The following COQ5 variants were observed in gnomAD, a reference collection of about 807,000 sequenced individuals.
The protein encoded by COQ5 is 2-methoxy-6-polyprenyl-1,4-benzoquinol methylase, mitochondrial.
In COQ5, 27 loss-of-function variants were observed where a neutral mutation model predicts 40.5. The ratio of observed to expected loss-of-function variants is 0.67; its 90% CI spans 0.49 to 0.92. COQ5 has a LOEUF of 0.92. Among genes scored for constraint, COQ5 ranks in the 40% least tolerant of loss-of-function variants. The pLI, the probability that COQ5 is intolerant of heterozygous loss-of-function variation, is 0.00. For synonymous variants in COQ5, 141 were observed against 150.0 expected (o/e 0.94, Z 0.44); for missense variants, 409 against 406.4 (o/e 1.01, Z -0.06).
chr12:120,522,589 C>T (rs1869723110), intron 1 of COQ5: 3 of 639,950 alleles, frequency 4.7e-6, no homozygotes, highest in Non-Finnish European at 5.5e-6. Context: ...AGGAGGACCC[C>T]AGCCCCATGC....
At chr12:120,515,990 C>T (rs1869359312) in intron 3 of COQ5, among the ~76,000 whole-genome samples, 1 of 152,166 alleles carries the variant, frequency 6.6e-6, no homozygotes, top group African/African-American at 2.4e-5. Context: ...GAGGTGCAAT[C>T]ATAGCTCACT....
At chr12:120,506,044 AG>A (rs1868869938) in intron 4 of COQ5, among the ~76,000 whole-genome samples, 2 of 151,804 alleles carry the variant, frequency 1.3e-5, no homozygotes, top group East Asian at 1.9e-4. Context: ...TAGTAGAAAA[AG>A]GGTTTCACCA....
intron 4 of COQ5, among the ~76,000 whole-genome samples, chr12:120,508,586 T>C (rs1868987984): frequency 6.6e-6 from 1 of 152,160 alleles, no homozygotes; most frequent in Non-Finnish European, 1.5e-5. Flanking sequence ...ATGTGAATCA[T>C]AACCAATTCA....
intron 4 of COQ5, among the ~76,000 whole-genome samples, chr12:120,508,638 C>G (rs1347396919): frequency 1.3e-5 from 2 of 152,180 alleles, no homozygotes; most frequent in Non-Finnish European, 1.5e-5. Flanking sequence ...TGGTGACTGT[C>G]TGAAGGGAGA....
intron 2 of COQ5, among the ~76,000 whole-genome samples, chr12:120,517,661 G>A (rs1299494054): frequency 1.1e-4 from 16 of 150,052 alleles, no homozygotes; most frequent in Admixed American, 2.7e-4. Context: ...CAGCCTGGGC[G>A]ACAGAGCAAG....
intron 2 of COQ5, among the ~76,000 whole-genome samples, chr12:120,518,346 T>C (rs1869477967): frequency 6.8e-6 from 1 of 147,974 alleles, no homozygotes; most frequent in Non-Finnish European, 1.5e-5. Flanking sequence ...GAAGATTACT[T>C]GAGGCCTGGG....
intron 1 of COQ5, among the ~76,000 whole-genome samples, chr12:120,524,771 A>G (rs1869860467): frequency 6.6e-6 from 1 of 151,684 alleles, no homozygotes; most frequent in South Asian, 2.1e-4. Flanking sequence ...CTCAAACTTC[A>G]ACGCCTATTC....
intron 4 of COQ5, 87 bp downstream of exon 4, chr12:120,509,930 A>G (rs967293403): frequency 1.8e-6 from 2 of 1,105,614 alleles, no homozygotes; most frequent in Non-Finnish European, 1.4e-6. Context: ...AAAAAACAAA[A>G]CTCTCCTTCT....
At chr12:120,525,062 C>A (rs1373056617) in intron 1 of COQ5, among the ~76,000 whole-genome samples, 1 of 151,812 alleles carries the variant, frequency 6.6e-6, no homozygotes, top group Non-Finnish European at 1.5e-5. Context: ...CCCGCCTTGG[C>A]TTCCCAAAGT....
chr12:120,523,341 A>G, intron 1 of COQ5: 1 of 306,770 alleles, frequency 3.3e-6, no homozygotes, highest in South Asian at 3.3e-5. Context: ...CGTCTCAAAG[A>G]AAAAAAAATA....
intron 4 of COQ5, among the ~76,000 whole-genome samples, chr12:120,508,574 T>G (rs748771427): frequency 3.9e-5 from 6 of 152,150 alleles, no homozygotes; most frequent in Non-Finnish European, 5.9e-5. Context: ...TGGTTATTAG[T>G]TATGTGAATC....
chr12:120,525,674 C>T (rs1308241246), intron 1 of COQ5, among the ~76,000 whole-genome samples: 2 of 151,972 alleles, frequency 1.3e-5, no homozygotes, highest in African/African-American at 4.8e-5. Flanking sequence ...CCTATAATCC[C>T]AGAACTTTGG....
chr12:120,521,507 C>T (rs904533015), intron 2 of COQ5, among the ~76,000 whole-genome samples: 1 of 151,496 alleles, frequency 6.6e-6, no homozygotes, highest in African/African-American at 2.4e-5. Context: ...GGAACCCTGT[C>T]TCTACTAACA....
Position 120,516,747 on chromosome 12 carries a change from G to A in COQ5, c.394C>T (p.His132Tyr). Residue 132 changes from histidine (H) to tyrosine (Y), a missense_variant, in exon 3 of 7, where the codon CAT becomes TAT. Physicochemically the swap from His to Tyr is moderately conservative, Grantham distance 83. Coordinates refer to ENST00000288532, the MANE Select transcript of COQ5 (RefSeq NM_032314.4). ...FRFLNYVQSQHQRKQKRQLRA... is the reference protein window; with the variant it reads ...FRFLNYVQSQYQRKQKRQLRA... ...AACTGCCTCTTCTGTTTTCTCTGAT[G>A]CTGGGACTGAACATAATTAAGGAAC... The A allele has an allele frequency of 6.2e-7, 1 of 1,614,212 alleles. No individual in the cohort carries two copies. The highest frequency in any genetic ancestry group is 8.5e-7 in the Non-Finnish European group (1 of 1,180,042).
At chr12:120,504,529 T>A (rs1236725681) in intron 5 of COQ5, 1 of 320,380 alleles carries the variant, frequency 3.1e-6, no homozygotes, top group African/African-American at 2.2e-5. Flanking sequence ...ATTACAAGCA[T>A]GAGCCACTGC....
rs1429285820 is a variant in COQ5 at position 120,516,549 on chromosome 12, G to C, written c.574+18C>G. ...AGATACAAATACTTCCCCTGTGTCT[G>C]CCTTCTGCAGGACTCACCAGCTCTG... On this transcript the variant is annotated intron_variant, in intron 3 of 6. Transcript: ENST00000288532. 1 of 1,563,218 alleles carries C rather than the reference G, an allele frequency of 6.4e-7. No individual in the cohort carries two copies. The highest frequency in any genetic ancestry group is 1.4e-5 in the African/African-American group (1 of 73,900).
chr12:120,504,717 C>T, intron 5 of COQ5, 178 bp downstream of exon 5: 1 of 650,340 alleles, frequency 1.5e-6, no homozygotes, highest in Non-Finnish European at 2.8e-6. Context: ...CATATGTAAG[C>T]CAACTTGGGT....
At chr12:120,514,783 A>ACAACAG (rs56172391) in intron 3 of COQ5, among the ~76,000 whole-genome samples, 1 of 151,268 alleles carries the variant, frequency 6.6e-6, no homozygotes, top group African/African-American at 2.4e-5. Context: ...AACAACAACA[A>ACAACAG]AAACTGGGCC....
rs191976538 is a variant in COQ5, at chr12:120,515,497, G to C, written c.574+1070C>G. On this transcript the variant is annotated intron_variant, in intron 3 of 6. Transcript: ENST00000288532. ...CTATCTGCTGTTCGTATTTACCACA[G>C]TGGGGAAGTGTGAGGAGTACTGTTC... Among the ~76,000 whole-genome samples the C allele has an allele frequency of 1.1e-4, 16 of 152,290 alleles. 1 individual carries two copies. The East Asian group carries it at 1.7e-3, about 17-fold the overall frequency.
Sources: gnomAD v4.1 joint callset for allele counts (sites outside exome capture counted in the v4.1 genomes callset) on GRCh38, gnomAD v4.1.1 for gene constraint, MANE v1.5 for transcripts, NCBI Gene and HGNC (gene_info 2026-07-23, HGNC 2026-07-21) for gene names.